SORCS1: variants seen among roughly 807,000 people sequenced by gnomAD.
The protein encoded by SORCS1 is sortilin related VPS10 domain containing receptor 1.
A neutral mutation model predicts 146.1 loss-of-function variants in SORCS1; 60 were observed. That is an observed-to-expected ratio of 0.41 (90% CI 0.33 to 0.51). The LOEUF (loss-of-function observed/expected upper bound fraction) is 0.51, where lower values mean the gene tolerates loss of function less well. SORCS1 is among the 20% of genes least tolerant of loss of function. The pLI is 0.21. For synonymous variants in SORCS1, 637 were observed against 584.0 expected (o/e 1.09, Z -1.31); for missense variants, 1,352 against 1,487.6 (o/e 0.91, Z 1.50).
At chr10:107,114,948 A>G (rs1361588434) in intron 1 of SORCS1, among the ~76,000 whole-genome samples, 1 of 152,132 alleles carries the variant, frequency 6.6e-6, no homozygotes, top group Non-Finnish European at 1.5e-5. Context: ...TTGCATTTCT[A>G]TCACCTAACA....
intron 18 of SORCS1, among the ~76,000 whole-genome samples, chr10:106,650,229 G>A (rs549648340): frequency 1.3e-5 from 2 of 152,318 alleles, no homozygotes; most frequent in African/African-American, 2.4e-5. Context: ...TAGAGTTGAA[G>A]AGAGTCACTC....
intron 2 of SORCS1, among the ~76,000 whole-genome samples, chr10:106,875,122 C>A (rs1950549205): frequency 6.6e-6 from 1 of 152,156 alleles, no homozygotes; most frequent in Admixed American, 6.5e-5. Context: ...TTCCACTCTC[C>A]TCCTCCTGAG....
chr10:107,087,988 G>A (rs1261417042), intron 1 of SORCS1, among the ~76,000 whole-genome samples: 1 of 152,122 alleles, frequency 6.6e-6, no homozygotes, highest in African/African-American at 2.4e-5. Flanking sequence ...GCGTGATCTC[G>A]GCTCACGGCA....
intron 1 of SORCS1, among the ~76,000 whole-genome samples, chr10:106,980,543 T>C (rs1216209718): frequency 6.6e-6 from 1 of 152,206 alleles, no homozygotes; most frequent in Non-Finnish European, 1.5e-5. Flanking sequence ...TAGTTATTTC[T>C]ATTAGGTGAC....
intron 17 of SORCS1, among the ~76,000 whole-genome samples, chr10:106,661,940 C>T (rs1054825925): frequency 3.9e-5 from 6 of 152,184 alleles, no homozygotes; most frequent in Non-Finnish European, 5.9e-5. Flanking sequence ...GGGAGCCAAT[C>T]GTGGAGAACA....
intron 18 of SORCS1, among the ~76,000 whole-genome samples, chr10:106,651,330 C>A (rs945354395): frequency 6.6e-6 from 1 of 152,198 alleles, no homozygotes; most frequent in African/African-American, 2.4e-5. Flanking sequence ...CTTCTCTATA[C>A]CCCAGCCTTG....
intron 23 of SORCS1, chr10:106,600,613 T>C: frequency 6.1e-6 from 6 of 985,400 alleles, no homozygotes; most frequent in Non-Finnish European, 7.2e-6. Context: ...AAGGACATTA[T>C]ATATGCTGTG....
intron 8 of SORCS1, among the ~76,000 whole-genome samples, chr10:106,705,428 T>C (rs1454648156): frequency 3.9e-5 from 6 of 152,140 alleles, no homozygotes. Flanking sequence ...TGCTGTGTCC[T>C]TGTGTTATGT....
intron 1 of SORCS1, among the ~76,000 whole-genome samples, chr10:107,159,773 T>A (rs1185399315): frequency 6.6e-6 from 1 of 152,068 alleles, no homozygotes; most frequent in Non-Finnish European, 1.5e-5. Flanking sequence ...GAGAAGGAAT[T>A]ACGTGGACTT....
At chr10:107,150,491 TGCAAAA>T (rs1394847164) in intron 1 of SORCS1, among the ~76,000 whole-genome samples, 1 of 152,182 alleles carries the variant, frequency 6.6e-6, no homozygotes, top group East Asian at 1.9e-4. Context: ...CATGGTTGGG[TGCAAAA>T]TCACTCAAAG....
intron 5 of SORCS1, among the ~76,000 whole-genome samples, chr10:106,736,362 G>A (rs1391785812): frequency 6.6e-6 from 1 of 152,120 alleles, no homozygotes; most frequent in Non-Finnish European, 1.5e-5. Context: ...GAAGAAACGA[G>A]GAGGGACCTG....
intron 3 of SORCS1, among the ~76,000 whole-genome samples, chr10:106,803,435 A>T (rs2136673523): frequency 6.6e-6 from 1 of 152,334 alleles, no homozygotes; most frequent in East Asian, 1.9e-4. Flanking sequence ...ACCTACAGAT[A>T]AACGCAGAAA....
intron 2 of SORCS1, among the ~76,000 whole-genome samples, chr10:106,943,958 C>T (rs142011098): frequency 2.2e-4 from 34 of 152,270 alleles, no homozygotes; most frequent in Non-Finnish European, 3.7e-4. Flanking sequence ...AGATATGTTT[C>T]TCCCTTTCAC....
chr10:107,084,490 T>C (rs6584795), intron 1 of SORCS1, among the ~76,000 whole-genome samples: 79,330 of 151,720 alleles, frequency 0.52, 22,068 homozygotes, highest in African/African-American at 0.69. Flanking sequence ...GTATAAAGAC[T>C]GCAGATGTGT....
intron 23 of SORCS1, 105 bp downstream of exon 23, chr10:106,607,061 C>G: frequency 2.7e-6 from 4 of 1,458,720 alleles, no homozygotes; most frequent in Non-Finnish European, 2.8e-6. Context: ...TTTGGTGAAG[C>G]TGTAGTTAGG....
At chr10:106,579,316 C>G (rs775575332) in intron 25 of SORCS1, 53 bp downstream of exon 25, 1 of 1,613,914 alleles carries the variant, frequency 6.2e-7, no homozygotes, top group South Asian at 1.1e-5. Context: ...CTGAACCTGT[C>G]AGGGAGAAGG....
chr10:107,159,568 G>GA (rs1488755630), intron 1 of SORCS1, among the ~76,000 whole-genome samples: 2 of 151,942 alleles, frequency 1.3e-5, no homozygotes, highest in African/African-American at 2.4e-5. Context: ...GCCTCCTGAG[G>GA]AAAAAACCTC....
chr10:106,836,204 G>A (rs933249501), intron 2 of SORCS1, among the ~76,000 whole-genome samples: 2 of 151,422 alleles, frequency 1.3e-5, no homozygotes, highest in East Asian at 2.0e-4. Flanking sequence ...GCCGGGCGCA[G>A]TGGCTCACGC....
intron 17 of SORCS1, among the ~76,000 whole-genome samples, chr10:106,666,435 C>T (rs546236189): frequency 7.9e-5 from 12 of 152,272 alleles, no homozygotes; most frequent in African/African-American, 1.2e-4. Context: ...CCTTCAGATT[C>T]GAACTACAAC....
Sources: allele counts gnomAD v4.1 joint callset (sites outside exome capture counted in the v4.1 genomes callset), GRCh38; gene constraint gnomAD v4.1.1; transcripts MANE v1.5; gene names NCBI Gene and HGNC (gene_info 2026-07-23, HGNC 2026-07-21).